The following SLC25A48 variants were observed in gnomAD, a reference collection of about 807,000 sequenced individuals.
SLC25A48 encodes the protein CTC-321K16.1.
In SLC25A48, 29 loss-of-function variants were observed where a neutral mutation model predicts 32.2. The ratio of observed to expected loss-of-function variants is 0.90; its 90% CI spans 0.67 to 1.23. The LOEUF is 1.23. Ranked by LOEUF, SLC25A48 falls within the 50% of genes most tolerant of loss-of-function variation. SLC25A48 has a pLI of 0.00. For synonymous variants in SLC25A48, 164 were observed against 172.3 expected (o/e 0.95, Z 0.38); for missense variants, 399 against 422.7 (o/e 0.94, Z 0.49).
Position 135,874,170 on chromosome 5 carries a change from G to A in SLC25A48, c.813+16G>A. The A allele has an allele frequency of 7.0e-7, 1 of 1,432,290 alleles. No homozygotes were observed. Among genetic ancestry groups the A allele is most frequent in the Non-Finnish European group, 9.1e-7 (1 of 1,101,316 alleles). 88.7% of individuals were successfully genotyped at this position (1,432,290 alleles called of 1,614,324 possible). A position where few individuals can be genotyped will look rare whatever the true frequency, so the allele number is the denominator to read the frequency against. On this transcript the variant is annotated intron_variant, in intron 6 of 7. Transcript: ENST00000681962. ...AGGTCTTAAAGTAAGCCCACAGCAG[G>A]CCTGCGGGGTCAGTGTCAGTCCCTG... is the stretch of plus-strand genomic sequence containing the variant.
intron 3 of SLC25A48, among the ~76,000 whole-genome samples, chr5:135,749,735 G>A (rs914728113): frequency 5.3e-5 from 8 of 152,086 alleles, no homozygotes; most frequent in African/African-American, 1.4e-4. Flanking sequence ...GCGATTAGAG[G>A]CGCACACCAC....
chr5:135,614,255 A>T (rs987547731), intron 1 of SLC25A48, among the ~76,000 whole-genome samples: 1 of 152,166 alleles, frequency 6.6e-6, no homozygotes, highest in Non-Finnish European at 1.5e-5. Context: ...TTGAAACACT[A>T]CTGATTTTTG....
intron 4 of SLC25A48, among the ~76,000 whole-genome samples, chr5:135,814,924 G>T (rs982614177): frequency 1.3e-5 from 2 of 152,216 alleles, no homozygotes; most frequent in African/African-American, 4.8e-5. Context: ...AACTGGCAGG[G>T]CCTTACTGTG....
intron 2 of SLC25A48, among the ~76,000 whole-genome samples, chr5:135,631,643 C>G (rs78199118): frequency 6.6e-6 from 1 of 152,182 alleles, no homozygotes; most frequent in African/African-American, 2.4e-5. Flanking sequence ...TTTTGTCTCC[C>G]CGGATCAGCA....
At chr5:135,762,436 G>T (rs1302637118) in intron 3 of SLC25A48, among the ~76,000 whole-genome samples, 1 of 152,152 alleles carries the variant, frequency 6.6e-6, no homozygotes, top group Non-Finnish European at 1.5e-5. Flanking sequence ...TGTACATTTT[G>T]TATTTTGAAC....
intron 1 of SLC25A48, among the ~76,000 whole-genome samples, chr5:135,589,788 G>C (rs1266861166): frequency 6.6e-6 from 1 of 152,166 alleles, no homozygotes; most frequent in African/African-American, 2.4e-5. Flanking sequence ...TCTGCCTCCT[G>C]GGTTCAAGCG....
intron 3 of SLC25A48, among the ~76,000 whole-genome samples, chr5:135,695,075 G>A (rs1754234716): frequency 6.6e-6 from 1 of 152,126 alleles, no homozygotes; most frequent in Non-Finnish European, 1.5e-5. Context: ...CACCAACCTT[G>A]TTCCTGCCTC....
chr5:135,720,614 C>G (rs751145847), intron 3 of SLC25A48, among the ~76,000 whole-genome samples: 4 of 152,190 alleles, frequency 2.6e-5, no homozygotes, highest in Non-Finnish European at 4.4e-5. Context: ...TGCTGTGGCT[C>G]CCGATATCCA....
chr5:135,846,602 G>C (rs1191739523), intron 2 of SLC25A48, among the ~76,000 whole-genome samples: 3 of 152,160 alleles, frequency 2.0e-5, no homozygotes, highest in East Asian at 3.9e-4. Context: ...GGGATGCTGA[G>C]AGGTTCCAAT....
At chr5:135,768,617 C>T (rs887800148) in intron 3 of SLC25A48, among the ~76,000 whole-genome samples, 13 of 151,414 alleles carry the variant, frequency 8.6e-5, no homozygotes, top group Non-Finnish European at 1.9e-4. Context: ...CCCAATGTCG[C>T]AGGGATTGTT....
rs562340065 is a variant in SLC25A48 at position 135,583,223 on chromosome 5, T to G, written c.-849+3626T>G. On this transcript the variant is annotated intron_variant, in intron 1 of 10. Coordinates refer to the SLC25A48 transcript ENST00000646290. ...GTTTGCGTGTGTGTAGGGGTGGCCA[T>G]GGGGAGTCCATATTCCCAGGGAAGC... Among the ~76,000 whole-genome samples the G allele has an allele frequency of 6.6e-5, 10 of 150,486 alleles. No homozygotes were observed. The East Asian group carries it at 1.8e-3, about 27-fold the overall frequency.
chr5:135,742,935 C>T (rs1755532580), intron 3 of SLC25A48, among the ~76,000 whole-genome samples: 1 of 146,126 alleles, frequency 6.8e-6, no homozygotes, highest in African/African-American at 2.5e-5. Flanking sequence ...CCCCCAGGGA[C>T]ATTTAGAAAT....
intron 3 of SLC25A48, among the ~76,000 whole-genome samples, chr5:135,774,052 G>T (rs1212460194): frequency 1.3e-5 from 2 of 151,350 alleles, no homozygotes; most frequent in Non-Finnish European, 3.0e-5. Context: ...ATAGCAGGGG[G>T]TATACACTCT....
At chr5:135,580,217 G>A (rs925899255) in intron 1 of SLC25A48, among the ~76,000 whole-genome samples, 1 of 152,174 alleles carries the variant, frequency 6.6e-6, no homozygotes, top group Non-Finnish European at 1.5e-5. Context: ...AGGCCAGGAG[G>A]GTCCTCAGTA....
At chr5:135,871,962 C>T in intron 5 of SLC25A48, 4 of 1,421,006 alleles carry the variant, frequency 2.8e-6, no homozygotes, top group Non-Finnish European at 3.7e-6. Context: ...ATATTTTGAA[C>T]ACATACTCTG....
At chr5:135,870,000 T>G (rs61518454) in intron 4 of SLC25A48, among the ~76,000 whole-genome samples, 11,533 of 152,264 alleles carry the variant, frequency 0.076, 610 homozygotes, top group African/African-American at 0.15. Context: ...CTCACCTGCT[T>G]CTGGGATGAG....
intron 1 of SLC25A48, among the ~76,000 whole-genome samples, chr5:135,601,854 G>T (rs890390744): frequency 6.6e-5 from 10 of 152,232 alleles, no homozygotes; most frequent in Admixed American, 2.6e-4. Context: ...CCAGCAGTGT[G>T]CTCCCTTGCT....
intron 3 of SLC25A48, among the ~76,000 whole-genome samples, chr5:135,788,430 G>T (rs1385011045): frequency 6.6e-6 from 1 of 150,728 alleles, no homozygotes; most frequent in African/African-American, 2.4e-5. Context: ...GTGGCGGCGG[G>T]TGTACCCCCT....
chr5:135,692,145 A>G (rs11959304), intron 3 of SLC25A48, among the ~76,000 whole-genome samples: 119,816 of 152,002 alleles, frequency 0.79, 47,662 homozygotes, highest in Middle Eastern at 0.88. Flanking sequence ...GTGAAACCCC[A>G]TCTCTACTAA....
Sources: allele counts gnomAD v4.1 joint callset (sites outside exome capture counted in the v4.1 genomes callset), GRCh38; gene constraint gnomAD v4.1.1; transcripts MANE v1.5; gene names NCBI Gene and HGNC (gene_info 2026-07-23, HGNC 2026-07-21).